The following CD300A variants were observed in gnomAD, a reference collection of about 807,000 sequenced individuals.
CD300A encodes CMRF35-like molecule 8.
Under a neutral mutation model 33.6 loss-of-function variants are expected in CD300A, and 22 were observed. That is an observed-to-expected ratio of 0.66 (90% CI 0.47 to 0.94). The LOEUF is 0.94. CD300A is among the 40% of genes least tolerant of loss of function. The pLI is 0.00. For synonymous variants in CD300A, 136 were observed against 148.1 expected (o/e 0.92, Z 0.59); for missense variants, 326 against 360.5 (o/e 0.90, Z 0.77).
At chr17:74,481,857 G>T in intron 6 of CD300A, 24 bp downstream of exon 6, 1 of 1,565,584 alleles carries the variant, frequency 6.4e-7, no homozygotes, top group Non-Finnish European at 8.7e-7. Flanking sequence ...CCCGGCTTTT[G>T]GGCATGCGGC....
chr17:74,467,100 C>T (rs2144493589), intron 1 of CD300A: 31 of 799,548 alleles, frequency 3.9e-5, no homozygotes, highest in East Asian at 1.0e-4. Flanking sequence ...CCACTGACTG[C>T]GAGGGGCATG....
At chr17:74,475,563 A>G (rs1386779880) in intron 3 of CD300A, among the ~76,000 whole-genome samples, 1 of 152,148 alleles carries the variant, frequency 6.6e-6, no homozygotes, top group Non-Finnish European at 1.5e-5. Context: ...ATAGAATCTG[A>G]CATCTATGGA....
At chr17:74,473,936 C>T (rs527968630) in intron 2 of CD300A, 62 bp downstream of exon 2, 3 of 1,552,932 alleles carry the variant, frequency 1.9e-6, no homozygotes, top group South Asian at 2.4e-5. Context: ...GGGCAGGAAT[C>T]AGATCAGAGA....
chr17:74,474,006 G>T (rs2293189), intron 2 of CD300A, 132 bp downstream of exon 2: 5 of 1,023,970 alleles, frequency 4.9e-6, no homozygotes, highest in Non-Finnish European at 5.7e-6. Context: ...GGGGCCAGGG[G>T]AACACAGTCA....
At chr17:74,470,326 T>G in intron 1 of CD300A, 4 of 792,596 alleles carry the variant, frequency 5.0e-6, no homozygotes, top group Non-Finnish European at 6.1e-6. Flanking sequence ...GAACAGAGCT[T>G]TGGGGAGATG....
chr17:74,477,172 T>C (rs1324373589), intron 3 of CD300A, among the ~76,000 whole-genome samples: 1 of 151,820 alleles, frequency 6.6e-6, no homozygotes, highest in Non-Finnish European at 1.5e-5. Flanking sequence ...TCTGAGACCA[T>C]CCTGGGCAAT....
intron 1 of CD300A, among the ~76,000 whole-genome samples, chr17:74,469,117 G>A (rs997847298): frequency 1.3e-5 from 2 of 152,022 alleles, no homozygotes; most frequent in African/African-American, 4.8e-5. Context: ...GAAATTATTT[G>A]TTCCTTGAAG....
chr17:74,478,469 G>C (rs4788838), intron 4 of CD300A, among the ~76,000 whole-genome samples: 27,022 of 152,220 alleles, frequency 0.18, 3,289 homozygotes, highest in East Asian at 0.52. Flanking sequence ...GATTAAAAGA[G>C]AGAACAGGAA....
At chr17:74,474,779 G>A in intron 3 of CD300A, 94 bp downstream of exon 3, 1 of 1,363,738 alleles carries the variant, frequency 7.3e-7, no homozygotes, top group Non-Finnish European at 1.0e-6. Context: ...AGCTGGAGGT[G>A]TGCATCGCTC....
intron 1 of CD300A, chr17:74,467,129 T>G: frequency 3.8e-6 from 1 of 264,582 alleles, no homozygotes; most frequent in East Asian, 2.1e-4. Context: ...GTGGGGGAGA[T>G]GCCGGGCTCA....
intron 1 of CD300A, among the ~76,000 whole-genome samples, chr17:74,470,520 G>C (rs993704840): frequency 1.1e-4 from 16 of 152,156 alleles, no homozygotes; most frequent in Non-Finnish European, 2.9e-5. Context: ...TGGGGTCACT[G>C]AGGTCAGGAG....
intron 2 of CD300A, 74 bp downstream of exon 2, chr17:74,473,948 GT>G: frequency 1.3e-6 from 2 of 1,516,584 alleles, no homozygotes; most frequent in Non-Finnish European, 1.8e-6. Flanking sequence ...GATCAGAGAC[GT>G]GAAGCAGACA....
intron 1 of CD300A, among the ~76,000 whole-genome samples, chr17:74,468,846 C>T (rs960265979): frequency 7.9e-5 from 12 of 152,110 alleles, no homozygotes; most frequent in Admixed American, 2.0e-4. Context: ...TTAGTAGAGA[C>T]GGGGTTTCAC....
intron 6 of CD300A, among the ~76,000 whole-genome samples, chr17:74,482,732 T>TTCTTTCTTTCTTTCTTTCTTTCTTTCTC (rs1336360956): frequency 2.3e-5 from 3 of 133,038 alleles, no homozygotes; most frequent in East Asian, 4.1e-4. Flanking sequence ...CTTTCTTTCT[T>TTCTTTCTTTCTTTCTTTCTTTCTTTCTC]TGGAATCTCG....
chr17:74,477,434 A>G lies in CD300A; in HGVS notation c.534-2A>G, dbSNP rs1461400950. The G allele has an allele frequency of 1.9e-6, 3 of 1,612,852 alleles. No individual in the cohort carries two copies. Among genetic ancestry groups the G allele is most frequent in the Non-Finnish European group, 2.5e-6 (3 of 1,179,138 alleles). The stretch of plus-strand genomic sequence containing the variant: ...GCCCTTACCATCCTGTGCCTCCTCC[A>G]GGCTCCCGCTGCTCCTCTCCCTGCT... On this transcript the variant is annotated splice_acceptor_variant, in intron 3 of 6. Transcript: ENST00000360141. LOFTEE classifies it high-confidence loss of function.
Position 74,481,738 on chromosome 17 carries a change from A to T in CD300A, c.679A>T (p.Ser227Cys). Residue 227 changes from serine (S) to cysteine (C), a missense_variant, in exon 6 of 7, where the codon AGT (serine) becomes TGT (cysteine). Coordinates refer to ENST00000360141, the MANE Select transcript of CD300A (RefSeq NM_007261.4). ...SQNPKQAATQ[S>C]ELHYANLELL... ...CCTGCCCACCCAGGCTGCCACGCAG[A>T]GTGAGCTGCACTACGCAAATCTGGA... The T allele has an allele frequency of 6.2e-7, 1 of 1,610,582 alleles. No individual in the cohort carries two copies.
intron 1 of CD300A, among the ~76,000 whole-genome samples, chr17:74,471,731 G>C (rs1906113854): frequency 6.6e-6 from 1 of 152,180 alleles, no homozygotes; most frequent in Non-Finnish European, 1.5e-5. Flanking sequence ...GGCGTGGAGA[G>C]GTTTGGGTGG....
Position 74,481,781 on chromosome 17 carries a change from TG to T in CD300A, c.723del (p.Gln242ArgfsTer38), listed in dbSNP as rs747682644. 1.2e-6 allele frequency: 2 copies of T among 1,613,196 alleles called. No homozygotes were observed. Among genetic ancestry groups the T allele is most frequent in the Non-Finnish European group, 8.5e-7 (1 of 1,179,820 alleles). On this transcript the variant is annotated frameshift_variant, in exon 6 of 7. Coordinates refer to ENST00000360141, the MANE Select transcript of CD300A (RefSeq NM_007261.4). LOFTEE classifies it high-confidence loss of function. ...YANLELLMWP[L>X]QEKPAPPREV... is the part of the protein sequence containing the mutation. ...AATCTGGAGCTGCTGATGTGGCCTC[TG>T]CAGGAAAAGCCAGCACCACCAAGGG...
intron 4 of CD300A, among the ~76,000 whole-genome samples, chr17:74,481,065 A>G (rs1034403329): frequency 1.3e-5 from 2 of 151,942 alleles, no homozygotes; most frequent in East Asian, 3.9e-4. Flanking sequence ...GAATCTTTCT[A>G]TTTCTCCATT....
Sources: allele counts gnomAD v4.1 joint callset (sites outside exome capture counted in the v4.1 genomes callset), GRCh38; gene constraint gnomAD v4.1.1; transcripts MANE v1.5; gene names NCBI Gene and HGNC (gene_info 2026-07-23, HGNC 2026-07-21).